Variants in RAD51AP2 observed in about 807,000 individuals in gnomAD.
RAD51AP2 encodes RAD51 associated protein 2, also known as RAD51-associated protein 2.
A neutral mutation model predicts 85.5 loss-of-function variants in RAD51AP2; 67 were observed. The observed-to-expected ratio is 0.78, with a 90% CI of 0.64 to 0.96. RAD51AP2 has a LOEUF of 0.96. Ranked by LOEUF, RAD51AP2 falls within the 40% of genes least tolerant of loss-of-function variation. The pLI is 0.00. For synonymous variants in RAD51AP2, 474 were observed against 446.5 expected (o/e 1.06, Z -0.78); for missense variants, 1,307 against 1,332.4 (o/e 0.98, Z 0.30).
At chr2:17,537,597 A>G in the RAD51AP2 span, among the ~76,000 whole-genome samples, 1 of 152,146 alleles carries the variant, frequency 6.6e-6, no homozygotes, top group African/African-American at 2.4e-5. Flanking sequence ...TATTTTACAC[A>G]CAAATTTTCT....
upstream of RAD51AP2, among the ~76,000 whole-genome samples, chr2:17,519,108 A>T (rs1212050543): frequency 1.3e-5 from 2 of 152,170 alleles, no homozygotes; most frequent in Non-Finnish European, 2.9e-5. Flanking sequence ...CTAAAAAAAA[A>T]ATAGTTTACT....
intron 1 of RAD51AP2, among the ~76,000 whole-genome samples, chr2:17,514,814 A>G (rs1284917956): frequency 6.6e-6 from 1 of 152,152 alleles, no homozygotes; most frequent in East Asian, 1.9e-4. Context: ...GCCAGAAGCA[A>G]ATGTGTCGAG....
the RAD51AP2 span, among the ~76,000 whole-genome samples, chr2:17,537,368 G>T: frequency 6.6e-6 from 1 of 152,222 alleles, no homozygotes; most frequent in Admixed American, 6.5e-5. Flanking sequence ...ATTATCTTAC[G>T]TAACACACCT....
chr2:17,510,866 T>A lies in RAD51AP2; in HGVS notation c.3418A>T (p.Ile1140Phe), dbSNP rs1351750832. 4 of 1,609,182 alleles carry A rather than the reference T, an allele frequency of 2.5e-6. No individual in the cohort carries two copies. Among genetic ancestry groups the A allele is most frequent in the African/African-American group, 1.3e-5 (1 of 74,800 alleles). The change falls in exon 3 of 3, where the codon ATT becomes TTT. Residue 1140 changes from isoleucine (I) to phenylalanine (F), a missense_variant. Ile to Phe is a conservative substitution (Grantham distance 21). Coordinates refer to ENST00000399080, the MANE Select transcript of RAD51AP2 (RefSeq NM_001099218.3). ...IRIGLSRKAR[I>F]KQLHPYLKQM... ...TTCAGATAAGGATGAAGTTGTTTAA[T>A]CCTTGCTTTTCTTGACAAACCAATC...
At position 17,518,301 on chromosome 2, in the gene RAD51AP2, C is replaced by G; in HGVS notation, c.115G>C (p.Glu39Gln). The change falls in exon 1 of 3, where the codon GAG (glutamate) becomes CAG (glutamine). Residue 39 changes from glutamate (E) to glutamine (Q), a missense_variant. Coordinates refer to ENST00000399080, the MANE Select transcript of RAD51AP2 (RefSeq NM_001099218.3). ...QPPSSKRLCL[E>Q]EPGGVFKAGW... is the part of the protein sequence containing the mutation. ...GCCTTAAAGACACCTCCAGGCTCCTCAAGACAGAGCCGCTTGCTACTAGGT... is the reference window on the plus strand; with the variant it reads ...GCCTTAAAGACACCTCCAGGCTCCTGAAGACAGAGCCGCTTGCTACTAGGT... 6.2e-7 allele frequency: 1 copy of G among 1,614,176 alleles called. No homozygotes were observed. The highest frequency in any genetic ancestry group is 8.5e-7 in the Non-Finnish European group (1 of 1,180,014).
Position 17,516,590 on chromosome 2 carries a change from A to C in RAD51AP2, c.1826T>G (p.Phe609Cys). The change falls in exon 1 of 3, where the codon TTC becomes TGC. Residue 609 changes from phenylalanine (F) to cysteine (C), a missense_variant. By Grantham distance (205) the Phe-to-Cys change is radical. This residue lies in a region of RAD51AP2 where 668 missense variants were observed against 671.0 expected (regional missense o/e 1.00). Transcript: ENST00000399080. ...NDFELEEECIFKCMLYLKYPK... is the reference protein window; with the variant it reads ...NDFELEEECICKCMLYLKYPK... ...ATACTTCAAATAAAGCATGCACTTG[A>C]AAATGCATTCCTCTTCTAATTCAAA... The C allele has an allele frequency of 6.3e-7, 1 of 1,587,066 alleles. No homozygotes were observed. The highest frequency in any genetic ancestry group is 8.6e-7 in the Non-Finnish European group (1 of 1,167,046).
At position 17,516,715 on chromosome 2, in the gene RAD51AP2, A is replaced by G; in HGVS notation, c.1701T>C (p.Tyr567=). The change falls in exon 1 of 3, where the codon TAT becomes TAC. Residue 567 remains tyrosine (Y), a synonymous_variant. Coordinates refer to ENST00000399080, the MANE Select transcript of RAD51AP2 (RefSeq NM_001099218.3). ...AAGGTTCTGAAACACTATCTTGTAA[A>G]TATATGCTTAAAATTCCATTCTTTA... ...TNIKNGILSI[Y]LQDSVSEPLD... 3.8e-6 allele frequency: 6 copies of G among 1,576,760 alleles called. No individual in the cohort carries two copies. Among genetic ancestry groups the G allele is most frequent in the Non-Finnish European group, 5.2e-6 (6 of 1,157,946 alleles).
Position 17,516,826 on chromosome 2 carries a change from T to C in RAD51AP2, c.1590A>G (p.Leu530=), listed in dbSNP as rs1330831002. 6.5e-7 allele frequency: 1 copy of C among 1,546,294 alleles called. No individual in the cohort carries two copies. The highest frequency in any genetic ancestry group is 2.3e-5 in the East Asian group (1 of 43,488). The change falls in exon 1 of 3, where the codon TTA becomes TTG. Residue 530 remains leucine, a synonymous_variant. Coordinates refer to ENST00000399080, the MANE Select transcript of RAD51AP2 (RefSeq NM_001099218.3). ...TACACTTCAAAATGTTACAGCAGGT[T>C]AAAATACTATTATCTTTTTTATTTC... ...ISGNKKDNSI[L]TCCNILKCKK...
chr2:17,532,412 C>T, the RAD51AP2 span, among the ~76,000 whole-genome samples: 1 of 152,064 alleles, frequency 6.6e-6, no homozygotes, highest in Non-Finnish European at 1.5e-5. Flanking sequence ...CAGCATTCTC[C>T]CTGCCTGTGT....
chr2:17,517,548 CAT>C lies in RAD51AP2; in HGVS notation c.866_867del (p.Tyr289CysfsTer2). 6.2e-7 allele frequency: 1 copy of C among 1,613,756 alleles called. No individual in the cohort carries two copies. Among genetic ancestry groups the C allele is most frequent in the Non-Finnish European group, 8.5e-7 (1 of 1,179,930 alleles). The stretch of plus-strand genomic sequence containing the variant: ...CAGTAAATGTTTGTGAAATCCCTAA[CAT>C]ATGCCTCTTTTTTGTCATTCTTTTT... ...AKKKNDKKEA[Y>X]VRDFTNIYWS... On this transcript the variant is annotated frameshift_variant, in exon 1 of 3. Transcript: ENST00000399080. LOFTEE classifies it high-confidence loss of function.
Position 17,517,743 on chromosome 2 carries a change from TTTCTC to T in RAD51AP2, c.668_672del (p.Arg223LysfsTer2). Reference sequence around the variant, plus strand: ...TTTAGTACAGATGATGAAATGTTATTTTCTCTTTTATTTGATGGCACAACACTGTT... The same window carrying T: ...TTTAGTACAGATGATGAAATGTTATTTTTTATTTGATGGCACAACACTGTT... On this transcript the variant is annotated frameshift_variant, in exon 1 of 3. Transcript: ENST00000399080. LOFTEE classifies it high-confidence loss of function. 6.2e-7 allele frequency: 1 copy of T among 1,613,676 alleles called. No homozygotes were observed. The highest frequency in any genetic ancestry group is 8.5e-7 in the Non-Finnish European group (1 of 1,179,904).
the RAD51AP2 span, among the ~76,000 whole-genome samples, chr2:17,532,977 T>G: frequency 6.6e-6 from 1 of 152,212 alleles, no homozygotes; most frequent in African/African-American, 2.4e-5. Context: ...CTAAAATCAG[T>G]AAAACTGTTA....
chr2:17,518,484 C>G (rs1363965675), upstream of RAD51AP2: 3 of 1,541,410 alleles, frequency 1.9e-6, no homozygotes, highest in Non-Finnish European at 1.7e-6. Context: ...GGTTCCGGGC[C>G]GCTCTGGTCA....
the RAD51AP2 span, among the ~76,000 whole-genome samples, chr2:17,529,414 A>C: frequency 2.0e-5 from 3 of 152,108 alleles, no homozygotes; most frequent in Non-Finnish European, 4.4e-5. Context: ...CTTCCCAATT[A>C]TCAAAATTTC....
In RAD51AP2 at chr2:17,516,071, A is replaced by G. The variant is rs1474634671; in HGVS notation, c.2345T>C (p.Ile782Thr). Residue 782 changes from isoleucine to threonine, a missense_variant, in exon 1 of 3, where the codon ATA becomes ACA. Coordinates refer to ENST00000399080, the MANE Select transcript of RAD51AP2 (RefSeq NM_001099218.3). The part of the protein sequence containing the change: ...NKISNFDCEH[I>T]FEDLCNVRQQ... The stretch of plus-strand genomic sequence containing the variant: ...CCTAACATTGCAGAGATCTTCAAAT[A>G]TGTGCTCACAGTCAAAGTTACTGAT... 6.2e-7 allele frequency: 1 copy of G among 1,613,384 alleles called. No homozygotes were observed. The highest frequency in any genetic ancestry group is 1.1e-5 in the South Asian group (1 of 90,942).
chr2:17,518,494 A>C, upstream of RAD51AP2: 3 of 1,521,276 alleles, frequency 2.0e-6, no homozygotes, highest in Non-Finnish European at 2.6e-6. Flanking sequence ...CGCTCTGGTC[A>C]CGCCCCTGAC....
Position 17,516,630 on chromosome 2 carries a change from T to C in RAD51AP2, c.1786A>G (p.Arg596Gly), listed in dbSNP as rs1490453341. 1.9e-6 allele frequency: 3 copies of C among 1,574,244 alleles called. No homozygotes were observed. The highest frequency in any genetic ancestry group is 2.3e-5 in the East Asian group (1 of 44,440). Residue 596 changes from arginine to glycine, a missense_variant, in exon 1 of 3, where the codon AGA becomes GGA. Coordinates refer to ENST00000399080, the MANE Select transcript of RAD51AP2 (RefSeq NM_001099218.3). ...TCTAATTCAAAATCATTTTCAATTCTTGTTAAAGAGTCAAAGTTATTGAGC... is the reference window on the plus strand; with the variant it reads ...TCTAATTCAAAATCATTTTCAATTCCTGTTAAAGAGTCAAAGTTATTGAGC... ...FLLNNFDSLT[R>G]IENDFELEEE...
chr2:17,536,257 T>C, the RAD51AP2 span, among the ~76,000 whole-genome samples: 1 of 151,688 alleles, frequency 6.6e-6, no homozygotes, highest in Non-Finnish European at 1.5e-5. Context: ...ACTACCGAGG[T>C]CCCCCAAAAT....
chr2:17,524,901 T>C, the RAD51AP2 span, among the ~76,000 whole-genome samples: 3 of 151,868 alleles, frequency 2.0e-5, no homozygotes, highest in Non-Finnish European at 4.4e-5. Flanking sequence ...GAGGAAAGGA[T>C]TGAAAAATTC....
Sources: allele counts gnomAD v4.1 joint callset (sites outside exome capture counted in the v4.1 genomes callset), GRCh38; gene constraint gnomAD v4.1.1; regional missense constraint gnomAD v4.1.1; transcripts MANE v1.5; gene names NCBI Gene and HGNC (gene_info 2026-07-23, HGNC 2026-07-21).